The following SPON2 variants were observed in gnomAD, a reference collection of about 807,000 sequenced individuals.
The protein encoded by SPON2 is spondin 2.
A neutral mutation model predicts 29.9 loss-of-function variants in SPON2; 32 were observed. The observed-to-expected ratio is 1.07, with a 90% CI of 0.81 to 1.44. SPON2 has a LOEUF of 1.44. Among genes scored for constraint, SPON2 ranks in the 40% most tolerant of loss-of-function variants. The pLI, the probability that SPON2 is intolerant of heterozygous loss-of-function variation, is 0.00. For synonymous variants in SPON2, 248 were observed against 209.1 expected (o/e 1.19, Z -1.61); for missense variants, 541 against 455.5 (o/e 1.19, Z -1.71).
chr4:1,205,565 G>A (rs992613793), intron 1 of SPON2, among the ~76,000 whole-genome samples: 6 of 137,104 alleles, frequency 4.4e-5, no homozygotes, highest in African/African-American at 1.3e-4. Flanking sequence ...TGTCCCCAGA[G>A]GCCCCATCGG....
At chr4:1,185,748 T>C (rs1018412717) in intron 1 of SPON2, among the ~76,000 whole-genome samples, 3 of 148,658 alleles carry the variant, frequency 2.0e-5, no homozygotes, top group South Asian at 2.2e-4. Flanking sequence ...TGCCTGACAC[T>C]GTATGCAAAA....
At chr4:1,207,704 C>T (rs1053025858) in intron 1 of SPON2, among the ~76,000 whole-genome samples, 1 of 151,956 alleles carries the variant, frequency 6.6e-6, no homozygotes, top group African/African-American at 2.4e-5. Context: ...CCTAACCATG[C>T]GCCGCGCTTA....
chr4:1,168,312 C>G (rs1727313514), intron 5 of SPON2: 1 of 152,212 alleles, frequency 6.6e-6, no homozygotes, highest in Non-Finnish European at 1.5e-5. Context: ...CGGGCAGCCC[C>G]TAAGGAGGCC....
At chr4:1,190,538 A>G (rs1420522166) in intron 1 of SPON2, among the ~76,000 whole-genome samples, 1 of 152,248 alleles carries the variant, frequency 6.6e-6, no homozygotes, top group East Asian at 1.9e-4. Context: ...AATGTTCAAC[A>G]AAATACCAGT....
intron 1 of SPON2, among the ~76,000 whole-genome samples, chr4:1,180,898 T>C (rs1168037449): frequency 2.0e-5 from 3 of 152,066 alleles, no homozygotes; most frequent in African/African-American, 7.2e-5. Context: ...TCATCAAACA[T>C]ACAAACAAAT....
Position 1,191,816 on chromosome 4 carries a change from G to T in SPON2, c.-239+3174C>A, listed in dbSNP as rs62293580. On this transcript the variant is annotated intron_variant, in intron 1 of 3. Transcript: ENST00000502483. ...GCGGTTGGATCAGTGTGGAGAGAGG[G>T]TGGAGGAGGTGCCCACAAGTTACCA... Among the ~76,000 whole-genome samples, 663 of 152,294 alleles carry T rather than the reference G, an allele frequency of 4.4e-3. 3 individuals carry two copies. The highest frequency in any genetic ancestry group is 7.2e-3 in the Non-Finnish European group (488 of 68,016).
upstream of SPON2, chr4:1,200,104 C>G (rs1049721921): frequency 6.6e-6 from 1 of 152,272 alleles, no homozygotes; most frequent in Non-Finnish European, 1.5e-5. Flanking sequence ...CTGCTAGTTA[C>G]CAGACGGGCA....
At chr4:1,183,772 A>T (rs1234860121) in intron 1 of SPON2, among the ~76,000 whole-genome samples, 2 of 152,212 alleles carry the variant, frequency 1.3e-5, no homozygotes, top group African/African-American at 4.8e-5. Context: ...TGTTAAATGT[A>T]ATCCCCATGG....
At chr4:1,168,649 T>C (rs1727324218) in intron 5 of SPON2, among the ~76,000 whole-genome samples, 1 of 152,156 alleles carries the variant, frequency 6.6e-6, no homozygotes, top group Non-Finnish European at 1.5e-5. Context: ...TGCTGGCAGA[T>C]CCCAGCACCC....
intron 1 of SPON2, among the ~76,000 whole-genome samples, chr4:1,204,112 T>TC (rs1273651479): frequency 6.6e-6 from 1 of 152,134 alleles, no homozygotes; most frequent in African/African-American, 2.4e-5. Context: ...CCTCAAATGG[T>TC]CCCCCCAGCT....
intron 1 of SPON2, among the ~76,000 whole-genome samples, chr4:1,194,241 G>T (rs539569650): frequency 5.3e-5 from 8 of 152,280 alleles, no homozygotes; most frequent in African/African-American, 1.7e-4. Flanking sequence ...CGAGGTGTGC[G>T]GGCCTCTTCT....
intron 2 of SPON2, among the ~76,000 whole-genome samples, chr4:1,179,053 A>C (rs1727659011): frequency 6.6e-6 from 1 of 152,212 alleles, no homozygotes; most frequent in Non-Finnish European, 1.5e-5. Context: ...CAGCCTCTGC[A>C]GTCCAGGAGG....
At chr4:1,177,843 C>T (rs571632909), upstream of SPON2, among the ~76,000 whole-genome samples, 225 of 152,296 alleles carry the variant, frequency 1.5e-3, 3 homozygotes, top group African/African-American at 3.8e-3. Flanking sequence ...CTGACTCAGA[C>T]GCGGAGTACC....
intron 1 of SPON2, chr4:1,201,469 G>GAGA (rs886700246): frequency 7.9e-5 from 15 of 190,018 alleles, no homozygotes; most frequent in African/African-American, 3.5e-4. Context: ...GGCCCTGAGA[G>GAGA]AGAAGGTGCC....
chr4:1,192,157 G>A (rs1034399287), intron 1 of SPON2, among the ~76,000 whole-genome samples: 8 of 152,368 alleles, frequency 5.3e-5, no homozygotes, highest in African/African-American at 1.9e-4. Context: ...CAAGGCCTCA[G>A]TTTCTTCCTC....
At chr4:1,197,361 G>A (rs1041574437), upstream of SPON2, among the ~76,000 whole-genome samples, 1 of 152,078 alleles carries the variant, frequency 6.6e-6, no homozygotes, top group Non-Finnish European at 1.5e-5. Flanking sequence ...AATAAATAAC[G>A]GAAAGTGCCA....
intron 1 of SPON2, chr4:1,201,248 G>A: frequency 2.5e-6 from 1 of 400,448 alleles, no homozygotes; most frequent in South Asian, 1.7e-5. Context: ...GTGCCATGCT[G>A]GGGCCCCATG....
At chr4:1,188,221 A>G (rs1218751530) in intron 1 of SPON2, among the ~76,000 whole-genome samples, 1 of 151,172 alleles carries the variant, frequency 6.6e-6, no homozygotes, top group Non-Finnish European at 1.5e-5. Flanking sequence ...AAAAAAAAAA[A>G]AAAAAGAAAT....
rs552245906 is a variant in SPON2 at position 1,168,657 on chromosome 4, C to A, written c.812-1001G>T. Among the ~76,000 whole-genome samples the A allele has an allele frequency of 2.6e-5, 4 of 152,224 alleles. No homozygotes were observed. The South Asian group carries it at 8.3e-4, about 31-fold the overall frequency. ...ACAGAGCTGCTGGCAGATCCCAGCA[C>A]CCCCCAGCTTCCTGACTGAAACCGA... On this transcript the variant is annotated intron_variant, in intron 5 of 5. Transcript: ENST00000290902.
Sources: allele counts gnomAD v4.1 joint callset (sites outside exome capture counted in the v4.1 genomes callset), GRCh38; gene constraint gnomAD v4.1.1; transcripts MANE v1.5; gene names NCBI Gene and HGNC (gene_info 2026-07-23, HGNC 2026-07-21).